The following NCAM2 variants were observed in gnomAD, a reference collection of about 807,000 sequenced individuals.
NCAM2 encodes the protein N-CAM-2.
Under a neutral mutation model 98.1 loss-of-function variants are expected in NCAM2, and 30 were observed. That is an observed-to-expected ratio of 0.31 (90% CI 0.23 to 0.41). The LOEUF (loss-of-function observed/expected upper bound fraction) is 0.41. Among genes scored for constraint, NCAM2 ranks in the 10% least tolerant of loss-of-function variants. The pLI is 1.00. For missense variants in NCAM2, 867 were observed against 1,005.8 expected (o/e 0.86, Z 1.87); for synonymous variants, 368 against 342.4 (o/e 1.07, Z -0.83).
At chr21:21,412,876 G>A (rs1334151135) in intron 10 of NCAM2, among the ~76,000 whole-genome samples, 2 of 152,080 alleles carry the variant, frequency 1.3e-5, no homozygotes, top group Admixed American at 6.6e-5. Flanking sequence ...ACAGTTGCTT[G>A]AGACAGTTAC....
chr21:21,468,724 A>G lies in NCAM2; in HGVS notation c.1837A>G (p.Ile613Val), dbSNP rs756587112. The change falls in exon 14 of 18, where the codon ATC (isoleucine) becomes GTC (valine). Residue 613 changes from isoleucine (I) to valine (V), a missense_variant. Ile to Val is a conservative substitution (Grantham distance 29). Coordinates refer to ENST00000400546, the MANE Select transcript of NCAM2 (RefSeq NM_004540.5). Reference protein sequence around the residue: ...PSSGKSFKLSITKQDDGGAPI... With the variant: ...PSSGKSFKLSVTKQDDGGAPI... The stretch of plus-strand genomic sequence containing the variant: ...CAGTGGAAAGAGCTTTAAACTCAGC[A>G]TCACCAAACAGGACGATGGAGGGGC... 3 of 1,612,234 alleles carry G rather than the reference A, an allele frequency of 1.9e-6. No homozygotes were observed. The highest frequency in any genetic ancestry group is 1.7e-6 in the Non-Finnish European group (2 of 1,178,816).
chr21:21,244,327 G>A (rs997001544), intron 1 of NCAM2, among the ~76,000 whole-genome samples: 1 of 152,100 alleles, frequency 6.6e-6, no homozygotes, highest in South Asian at 2.1e-4. Flanking sequence ...TGTTTATTTA[G>A]TATAAATTTG....
intron 1 of NCAM2, among the ~76,000 whole-genome samples, chr21:21,041,081 GA>G (rs1426831076): frequency 6.6e-6 from 1 of 151,794 alleles, no homozygotes; most frequent in African/African-American, 2.4e-5. Context: ...ATAATTATAA[GA>G]AAGAAAAGAC....
intron 5 of NCAM2, among the ~76,000 whole-genome samples, chr21:21,321,464 G>A (rs1601967295): frequency 6.6e-6 from 1 of 152,176 alleles, no homozygotes; most frequent in Non-Finnish European, 1.5e-5. Flanking sequence ...TGCTTTTGAG[G>A]ACTTAGCCAT....
chr21:21,468,842 A>G, intron 14 of NCAM2, 59 bp downstream of exon 14: 1 of 1,475,278 alleles, frequency 6.8e-7, no homozygotes, highest in Middle Eastern at 1.8e-4. Flanking sequence ...ATTGAGTTGC[A>G]CTGAATTTAT....
At chr21:21,134,053 G>A (rs1344525920) in intron 1 of NCAM2, among the ~76,000 whole-genome samples, 1 of 134,748 alleles carries the variant, frequency 7.4e-6, no homozygotes, top group Non-Finnish European at 1.6e-5. Flanking sequence ...ACTTTGGGTG[G>A]CACTTCCTCT....
chr21:21,365,844 A>G (rs1243015987), intron 8 of NCAM2, among the ~76,000 whole-genome samples: 1 of 152,262 alleles, frequency 6.6e-6, no homozygotes, highest in East Asian at 1.9e-4. Flanking sequence ...AAATCAAGAC[A>G]TAGCACCATA....
At chr21:21,358,944 C>A (rs1279596860) in intron 8 of NCAM2, among the ~76,000 whole-genome samples, 2 of 151,630 alleles carry the variant, frequency 1.3e-5, no homozygotes, top group Admixed American at 1.3e-4. Flanking sequence ...CTTCAATTTT[C>A]TTCTGTTTAG....
intron 1 of NCAM2, among the ~76,000 whole-genome samples, chr21:21,178,987 A>G (rs2068385485): frequency 6.6e-6 from 1 of 152,166 alleles, no homozygotes; most frequent in East Asian, 1.9e-4. Flanking sequence ...CAGAGATGAA[A>G]GCTCATAATA....
At chr21:21,232,528 C>A (rs562792821) in intron 1 of NCAM2, among the ~76,000 whole-genome samples, 1 of 151,474 alleles carries the variant, frequency 6.6e-6, no homozygotes, top group South Asian at 2.1e-4. Context: ...ATCAGAAGGG[C>A]AGTTTGCTTC....
chr21:21,370,255 A>G (rs1395423184), intron 8 of NCAM2, among the ~76,000 whole-genome samples: 1 of 151,716 alleles, frequency 6.6e-6, no homozygotes, highest in Non-Finnish European at 1.5e-5. Flanking sequence ...TTTTCCTCTG[A>G]TCCTTATGAC....
chr21:21,435,694 C>A (rs1978306139), intron 12 of NCAM2, among the ~76,000 whole-genome samples: 1 of 152,138 alleles, frequency 6.6e-6, no homozygotes, highest in African/African-American at 2.4e-5. Context: ...CAGAAACATG[C>A]CCGCTACATG....
chr21:21,193,264 GATT>G (rs976600269), intron 1 of NCAM2, among the ~76,000 whole-genome samples: 19 of 151,504 alleles, frequency 1.3e-4, no homozygotes, highest in Non-Finnish European at 2.1e-4. Flanking sequence ...TATTTTATTA[GATT>G]ATTATCTTTT....
At chr21:21,409,064 T>C (rs1341264762) in intron 9 of NCAM2, among the ~76,000 whole-genome samples, 1 of 152,068 alleles carries the variant, frequency 6.6e-6, no homozygotes, top group Non-Finnish European at 1.5e-5. Flanking sequence ...GTAGTTAATA[T>C]TAGTAACAAT....
chr21:21,362,750 T>A (rs1223595145), intron 8 of NCAM2, among the ~76,000 whole-genome samples: 2 of 152,230 alleles, frequency 1.3e-5, no homozygotes, highest in East Asian at 3.8e-4. Flanking sequence ...TTGTATTTTC[T>A]GAGAGAGTGC....
At chr21:21,209,466 G>A (rs1290407670) in intron 1 of NCAM2, among the ~76,000 whole-genome samples, 2 of 152,022 alleles carry the variant, frequency 1.3e-5, no homozygotes, top group Non-Finnish European at 2.9e-5. Flanking sequence ...AAAGTGGTGG[G>A]GTTACAGGTG....
chr21:21,185,973 G>T (rs2068629953), intron 1 of NCAM2, among the ~76,000 whole-genome samples: 1 of 152,190 alleles, frequency 6.6e-6, no homozygotes, highest in Non-Finnish European at 1.5e-5. Context: ...GAAGCAGATT[G>T]CAGTGGTAAT....
At chr21:21,221,639 G>A (rs1198691624) in intron 1 of NCAM2, among the ~76,000 whole-genome samples, 1 of 152,172 alleles carries the variant, frequency 6.6e-6, no homozygotes, top group East Asian at 1.9e-4. Context: ...ATTTTGCAAA[G>A]GCTGTGGGAG....
intron 8 of NCAM2, among the ~76,000 whole-genome samples, chr21:21,372,536 G>T (rs1007124323): frequency 2.0e-5 from 3 of 151,716 alleles, no homozygotes; most frequent in Non-Finnish European, 2.9e-5. Flanking sequence ...TCAGAGCCAA[G>T]ATATAAATGA....
Sources: gnomAD v4.1 joint callset for allele counts (sites outside exome capture counted in the v4.1 genomes callset) on GRCh38, gnomAD v4.1.1 for gene constraint, MANE v1.5 for transcripts, NCBI Gene and HGNC (gene_info 2026-07-23, HGNC 2026-07-21) for gene names.